Variants in MINPP1 observed in about 807,000 individuals in gnomAD.
The protein encoded by MINPP1 is multiple inositol polyphosphate phosphatase 1.
MINPP1 carries 28 observed loss-of-function variants against 46.1 expected under a neutral mutation model. That is an observed-to-expected ratio of 0.61 (90% CI 0.45 to 0.83). The LOEUF (loss-of-function observed/expected upper bound fraction) is 0.83, where lower values mean the gene tolerates loss of function less well. Among genes scored for constraint, MINPP1 ranks in the 40% least tolerant of loss-of-function variants. The probability of loss-of-function intolerance (pLI) is 0.00; values close to 1 mark genes in which losing one functional copy is unlikely to be tolerated. For missense variants in MINPP1, 603 were observed against 610.0 expected (o/e 0.99, Z 0.12); for synonymous variants, 268 against 249.1 (o/e 1.08, Z -0.72).
chr10:87,553,396 G>T lies in MINPP1; in HGVS notation c.*918G>T, dbSNP rs1266611673. ...AAAATTCTTGTGACTTTACTACCAG[G>T]ACTTTTCTCTTCCCCATGTCAAAAT... is the stretch of plus-strand genomic sequence containing the variant. On this transcript the variant is annotated 3_prime_UTR_variant, in exon 5 of 5. Coordinates refer to ENST00000371996, the MANE Select transcript of MINPP1 (RefSeq NM_004897.5). 4 of 152,000 alleles carry T rather than the reference G, an allele frequency of 2.6e-5. No individual in the cohort carries two copies. The East Asian group carries it at 7.7e-4, about 29-fold the overall frequency. The allele number at this position is 152,000 out of a possible 1,614,324, so 9.4% of individuals were successfully genotyped here. A position where few individuals can be genotyped will look rare whatever the true frequency, so the allele number is the denominator to read the frequency against.
rs1256998666 is a variant in MINPP1, at chr10:87,504,954, A to G, written c.39A>G (p.Val13=). The change falls in exon 1 of 5, where the codon GTA becomes GTG. Residue 13 remains valine, a synonymous_variant. Transcript: ENST00000371996. Reference sequence around the variant, plus strand: ...CCGGCTGCCTCCTCCGGACCTCCGTAGCGCCTGCCGCGGCCCTGGCTGCGG... The same window carrying G: ...CCGGCTGCCTCCTCCGGACCTCCGTGGCGCCTGCCGCGGCCCTGGCTGCGG... ...RAPGCLLRTS[V]APAAALAAAL... The G allele has an allele frequency of 6.2e-7, 1 of 1,611,760 alleles. No homozygotes were observed.
intron 4 of MINPP1, among the ~76,000 whole-genome samples, chr10:87,550,623 G>C (rs1318275229): frequency 6.6e-6 from 1 of 152,088 alleles, no homozygotes; most frequent in Admixed American, 6.6e-5. Flanking sequence ...TTTAGAAAAA[G>C]GTTTGTGTCA....
intron 4 of MINPP1, among the ~76,000 whole-genome samples, chr10:87,547,098 A>G (rs1851897854): frequency 6.6e-6 from 1 of 151,994 alleles, no homozygotes; most frequent in African/African-American, 2.4e-5. Context: ...ATAAGAACTG[A>G]TTTGATTTTA....
At chr10:87,507,803 A>G in intron 1 of MINPP1, 3 of 1,009,260 alleles carry the variant, frequency 3.0e-6, no homozygotes, top group Non-Finnish European at 1.2e-6. Context: ...GGCCCAGCAC[A>G]GTGAAGCACA....
In MINPP1 at chr10:87,520,057, A is replaced by T. The variant is rs947454977; in HGVS notation, c.934-979A>T. ...TCATTCTTAGAAATATAAAAGGTAT[A>T]GTGTGTGTGTGTGTGTGTGTGTTGG... is the stretch of plus-strand genomic sequence containing the variant. On this transcript the variant is annotated intron_variant, in intron 3 of 4. Coordinates refer to ENST00000371996, the MANE Select transcript of MINPP1 (RefSeq NM_004897.5). Among the ~76,000 whole-genome samples the T allele has an allele frequency of 2.2e-3, 322 of 147,474 alleles. 1 individual carries two copies. Among genetic ancestry groups the T allele is most frequent in the Non-Finnish European group, 3.1e-3 (207 of 67,222 alleles).
chr10:87,509,557 T>C (rs749386061), intron 2 of MINPP1, among the ~76,000 whole-genome samples: 3 of 152,246 alleles, frequency 2.0e-5, no homozygotes, highest in Non-Finnish European at 2.9e-5. Flanking sequence ...ATTTTAACTT[T>C]GTGCTTCAGT....
chr10:87,552,394 C>CCACT lies in MINPP1; in HGVS notation c.1381_1384dup (p.Tyr462SerfsTer13). 6.2e-7 allele frequency: 1 copy of CCACT among 1,613,358 alleles called. No individual in the cohort carries two copies. Among genetic ancestry groups the CCACT allele is most frequent in the East Asian group, 2.2e-5 (1 of 44,862 alleles). The stretch of plus-strand genomic sequence containing the variant: ...TTTCATTTTATGAAGATCTGAAGAA[C>CCACT]CACTACAAGGACATCCTTCAGAGTT... On this transcript the variant is annotated frameshift_variant, in exon 5 of 5. Coordinates refer to ENST00000371996, the MANE Select transcript of MINPP1 (RefSeq NM_004897.5). LOFTEE classifies it high-confidence loss of function.
At chr10:87,541,406 T>C (rs1347344214) in intron 4 of MINPP1, among the ~76,000 whole-genome samples, 1 of 152,244 alleles carries the variant, frequency 6.6e-6, no homozygotes, top group Non-Finnish European at 1.5e-5. Context: ...TAGTTTAAAA[T>C]GCCTGAAAAA....
chr10:87,520,736 A>G, intron 3 of MINPP1, among the ~76,000 whole-genome samples: 1 of 152,104 alleles, frequency 6.6e-6, no homozygotes, highest in African/African-American at 2.4e-5. Context: ...AGGTGAGCAC[A>G]TGTCCTTACT....
Position 87,532,568 on chromosome 10 carries a change from TGG to T in MINPP1, c.1067+11401_1067+11402del, listed in dbSNP as rs1589380275. 2.0e-5 allele frequency among the ~76,000 whole-genome samples: 3 copies of T among 152,356 alleles called. No individual in the cohort carries two copies. The East Asian group carries it at 5.8e-4, about 29-fold the overall frequency. On this transcript the variant is annotated intron_variant, in intron 4 of 4. Coordinates refer to ENST00000371996, the MANE Select transcript of MINPP1 (RefSeq NM_004897.5). ...ATGAAGAAACTGGCAGATGGTTTCC[TGG>T]GACTGGGTATCTCTGTACTAAAAGA...
intron 4 of MINPP1, among the ~76,000 whole-genome samples, chr10:87,528,045 T>A (rs1464729368): frequency 6.6e-6 from 1 of 152,198 alleles, no homozygotes; most frequent in Non-Finnish European, 1.5e-5. Context: ...GTGGGATTGG[T>A]GGTGATATCC....
At chr10:87,550,981 A>G (rs1047969312) in intron 4 of MINPP1, among the ~76,000 whole-genome samples, 6 of 152,010 alleles carry the variant, frequency 3.9e-5, no homozygotes, top group African/African-American at 1.4e-4. Flanking sequence ...TCCAGTGAAT[A>G]CCTGTGGGCT....
Position 87,552,296 on chromosome 10 carries a change from C to A in MINPP1, c.1282C>A (p.Pro428Thr), listed in dbSNP as rs749780429. 15 of 1,613,774 alleles carry A rather than the reference C, an allele frequency of 9.3e-6. No individual in the cohort carries two copies. The highest frequency in any genetic ancestry group is 1.3e-5 in the Non-Finnish European group (15 of 1,179,806). Residue 428 changes from proline to threonine, a missense_variant, in exon 5 of 5, where the codon CCT becomes ACT. Physicochemically the swap from Pro to Thr is conservative, Grantham distance 38. Transcript: ENST00000371996. Reference sequence around the variant, plus strand: ...TTACCACTGTGAAAATGCTAAGACTCCTAAAGAACAATTCCGAGTGCAGAT... The same window carrying A: ...TTACCACTGTGAAAATGCTAAGACTACTAAAGAACAATTCCGAGTGCAGAT... The part of the protein sequence containing the change: ...VLYHCENAKT[P>T]KEQFRVQMLL...
At chr10:87,528,209 T>A (rs1017244641) in intron 4 of MINPP1, among the ~76,000 whole-genome samples, 1 of 152,224 alleles carries the variant, frequency 6.6e-6, no homozygotes, top group African/African-American at 2.4e-5. Context: ...TCTATCTCCT[T>A]CAGTTCTGCT....
intron 4 of MINPP1, among the ~76,000 whole-genome samples, chr10:87,527,345 T>C (rs1851592761): frequency 6.6e-6 from 1 of 152,232 alleles, no homozygotes; most frequent in South Asian, 2.1e-4. Flanking sequence ...CCCTGTCTTG[T>C]GCCAGTTTTC....
At chr10:87,547,356 G>A (rs571218219) in intron 4 of MINPP1, among the ~76,000 whole-genome samples, 1 of 152,238 alleles carries the variant, frequency 6.6e-6, no homozygotes, top group African/African-American at 2.4e-5. Flanking sequence ...CAAGAGATCT[G>A]CCCATGGCCT....
In MINPP1 at chr10:87,505,430, A is replaced by G; in HGVS notation, c.515A>G (p.Glu172Gly). The change falls in exon 1 of 5, where the codon GAG becomes GGG. Residue 172 changes from glutamate to glycine, a missense_variant. Coordinates refer to ENST00000371996, the MANE Select transcript of MINPP1 (RefSeq NM_004897.5). This position sits in a 1 kb window ranked among gnomAD's most constrained non-coding sequence, Gnocchi z 4.4. Reference protein sequence around the residue: ...ASLFPALFSRENYGRLRLITS... With the variant: ...ASLFPALFSRGNYGRLRLITS... Reference sequence around the variant, plus strand: ...CTCTTCCCGGCCCTTTTCAGCCGTGAGAACTACGGCCGCCTGCGGCTCATC... The same window carrying G: ...CTCTTCCCGGCCCTTTTCAGCCGTGGGAACTACGGCCGCCTGCGGCTCATC... 1 of 1,613,568 alleles carries G rather than the reference A, an allele frequency of 6.2e-7. No individual in the cohort carries two copies. Among genetic ancestry groups the G allele is most frequent in the Non-Finnish European group, 8.5e-7 (1 of 1,179,806 alleles).
intron 4 of MINPP1, among the ~76,000 whole-genome samples, chr10:87,523,814 A>G (rs1851536564): frequency 6.6e-6 from 1 of 152,182 alleles, no homozygotes; most frequent in South Asian, 2.1e-4. Flanking sequence ...GACCAAGTGT[A>G]TTGTCAATGA....
In MINPP1 at chr10:87,552,428, A is replaced by G; in HGVS notation, c.1414A>G (p.Ser472Gly). 1 of 1,613,364 alleles carries G rather than the reference A, an allele frequency of 6.2e-7. No homozygotes were observed. The highest frequency in any genetic ancestry group is 1.1e-5 in the South Asian group (1 of 91,040). The change falls in exon 5 of 5, where the codon AGT (serine) becomes GGT (glycine). Residue 472 changes from serine (S) to glycine (G), a missense_variant. Physicochemically the swap from Ser to Gly is moderately conservative, Grantham distance 56 (BLOSUM62 0). Coordinates refer to ENST00000371996, the MANE Select transcript of MINPP1 (RefSeq NM_004897.5). Reference sequence around the variant, plus strand: ...GGACATCCTTCAGAGTTGTCAAACCAGTGAAGAATGTGAATTAGCAAGGGC... The same window carrying G: ...GGACATCCTTCAGAGTTGTCAAACCGGTGAAGAATGTGAATTAGCAAGGGC... The part of the protein sequence containing the change: ...YKDILQSCQT[S>G]EECELARANS...
Sources: allele counts gnomAD v4.1 joint callset (sites outside exome capture counted in the v4.1 genomes callset), GRCh38; gene constraint gnomAD v4.1.1; non-coding constraint Gnocchi (gnomAD v3.1); transcripts MANE v1.5; gene names NCBI Gene and HGNC (gene_info 2026-07-23, HGNC 2026-07-21).